Variants in TLN2 observed in about 807,000 individuals in gnomAD.
The protein encoded by TLN2 is talin-2.
TLN2 carries 118 observed loss-of-function variants against 294.7 expected under a neutral mutation model. The ratio of observed to expected loss-of-function variants is 0.40; its 90% CI spans 0.34 to 0.47. The LOEUF is 0.47. Among genes scored for constraint, TLN2 ranks in the 20% least tolerant of loss-of-function variants. The pLI is 0.84. For synonymous variants in TLN2, 1,431 were observed against 1,304.5 expected, an observed-to-expected ratio of 1.10 and a Z score of -2.09; for missense variants, 3,083 against 3,282.2, an observed-to-expected ratio of 0.94 and a Z score of 1.48.
intron 9 of TLN2, among the ~76,000 whole-genome samples, chr15:62,663,280 A>C (rs1279388306): frequency 6.6e-6 from 1 of 152,212 alleles, no homozygotes; most frequent in Non-Finnish European, 1.5e-5. Context: ...TCTTGATGAC[A>C]AAAAGAAAAA....
chr15:62,827,613 G>T (rs2068337859), intron 54 of TLN2: 1 of 152,114 alleles, frequency 6.6e-6, no homozygotes, highest in African/African-American at 2.4e-5. Flanking sequence ...TATGCTGTTT[G>T]GTACCTGACG....
intron 1 of TLN2, among the ~76,000 whole-genome samples, chr15:62,479,511 C>A (rs1595897385): frequency 1.3e-5 from 2 of 152,120 alleles, no homozygotes; most frequent in Admixed American, 1.3e-4. Context: ...GAGTCTTTCT[C>A]TCTCACCCAG....
chr15:62,679,000 T>C (rs1444044914), intron 11 of TLN2, among the ~76,000 whole-genome samples: 2 of 151,582 alleles, frequency 1.3e-5, no homozygotes, highest in African/African-American at 2.4e-5. Flanking sequence ...GTAGCTATGA[T>C]TATTTATCCT....
chr15:62,430,956 A>G (rs553784578), intron 1 of TLN2, among the ~76,000 whole-genome samples: 1 of 151,828 alleles, frequency 6.6e-6, no homozygotes, highest in African/African-American at 2.4e-5. Flanking sequence ...ATACACAAAA[A>G]CACCCAGCTC....
At chr15:62,493,996 A>G (rs930391858) in intron 1 of TLN2, among the ~76,000 whole-genome samples, 2 of 152,088 alleles carry the variant, frequency 1.3e-5, no homozygotes, top group South Asian at 4.2e-4. Context: ...AGATCTGTCA[A>G]AATTATGGAT....
intron 2 of TLN2, among the ~76,000 whole-genome samples, chr15:62,594,993 C>T (rs1422880935): frequency 6.6e-6 from 1 of 152,126 alleles, no homozygotes; most frequent in African/African-American, 2.4e-5. Flanking sequence ...TCTGAATAGA[C>T]ATTTCTCAAA....
chr15:62,438,830 C>T (rs771917009), intron 1 of TLN2, among the ~76,000 whole-genome samples: 3 of 152,158 alleles, frequency 2.0e-5, no homozygotes, highest in Non-Finnish European at 1.5e-5. Context: ...GGGAAGGGTC[C>T]CCTGGCTGAG....
Position 62,770,958 on chromosome 15 carries a change from T to TTTTAAAG in TLN2, c.5197-6_5197-5insTTTAAAG. 2 of 1,566,590 alleles carry TTTTAAAG rather than the reference T, an allele frequency of 1.3e-6. No homozygotes were observed. The highest frequency in any genetic ancestry group is 8.6e-7 in the Non-Finnish European group (1 of 1,163,394). On this transcript the variant is annotated splice_region_variant and splice_polypyrimidine_tract_variant and intron_variant, in intron 41 of 58. Transcript: ENST00000636159. ...CATCTCTGGCTTTTTTTTTTTTTTTTGAAAGGTGACACAACTGGCAAGCTA... is the reference window on the plus strand; with the variant it reads ...CATCTCTGGCTTTTTTTTTTTTTTTTTTTAAAGGAAAGGTGACACAACTGGCAAGCTA...
intron 3 of TLN2, among the ~76,000 whole-genome samples, chr15:62,640,756 T>C (rs1408145026): frequency 2.0e-5 from 3 of 152,176 alleles, no homozygotes; most frequent in Admixed American, 2.0e-4. Context: ...GTTGTGTGAC[T>C]GCGATAAGAA....
At chr15:62,727,563 T>C (rs2060505765) in intron 28 of TLN2, among the ~76,000 whole-genome samples, 1 of 152,200 alleles carries the variant, frequency 6.6e-6, no homozygotes, top group African/African-American at 2.4e-5. Context: ...AGGAGACAGA[T>C]GCGTGCTAAT....
chr15:62,566,005 T>C (rs184101643), intron 1 of TLN2, among the ~76,000 whole-genome samples: 1 of 152,102 alleles, frequency 6.6e-6, no homozygotes, highest in Non-Finnish European at 1.5e-5. Flanking sequence ...CTTAGGGTTA[T>C]TGTGAGGAAA....
chr15:62,660,069 T>C (rs935525167), intron 9 of TLN2, among the ~76,000 whole-genome samples: 1 of 152,150 alleles, frequency 6.6e-6, no homozygotes, highest in East Asian at 1.9e-4. Context: ...TTTAAAATAA[T>C]AATGAGAAGG....
rs749450088 is a variant in TLN2, at chr15:62,819,510, C to A, written c.6772-6C>A. The A allele has an allele frequency of 1.2e-6, 2 of 1,612,930 alleles. No individual in the cohort carries two copies. The highest frequency in any genetic ancestry group is 4.5e-5 in the East Asian group (2 of 44,870). On this transcript the variant is annotated splice_polypyrimidine_tract_variant and splice_region_variant and intron_variant, in intron 52 of 58. Transcript: ENST00000636159. ...CTCATGCCTCTGACTTGTTCTTCAC[C>A]TGTAGATTCTTCAGAAACCAACCCC... is the stretch of plus-strand genomic sequence containing the variant.
intron 1 of TLN2, among the ~76,000 whole-genome samples, chr15:62,525,937 G>A (rs1423516747): frequency 6.6e-6 from 1 of 152,154 alleles, no homozygotes; most frequent in Non-Finnish European, 1.5e-5. Flanking sequence ...AGTGAGAACT[G>A]CTGCAAGGGA....
intron 3 of TLN2, among the ~76,000 whole-genome samples, chr15:62,620,339 T>G (rs1041972873): frequency 6.6e-6 from 1 of 152,088 alleles, no homozygotes; most frequent in Non-Finnish European, 1.5e-5. Flanking sequence ...ATAAGCAAAT[T>G]TACCAGCATC....
At chr15:62,823,334 G>GAAGGC in intron 54 of TLN2, among the ~76,000 whole-genome samples, 1 of 152,070 alleles carries the variant, frequency 6.6e-6, no homozygotes, top group Non-Finnish European at 1.5e-5. Flanking sequence ...CTTTATAAAG[G>GAAGGC]AATTTATTTC....
At chr15:62,579,649 G>A (rs1056670846) in intron 1 of TLN2, among the ~76,000 whole-genome samples, 27 of 152,154 alleles carry the variant, frequency 1.8e-4, no homozygotes, top group African/African-American at 6.3e-4. Flanking sequence ...ATAGGAACGT[G>A]TCCCCTGAAG....
At chr15:62,671,205 C>T (rs188444985) in intron 9 of TLN2, among the ~76,000 whole-genome samples, 3 of 151,964 alleles carry the variant, frequency 2.0e-5, no homozygotes, top group Non-Finnish European at 4.4e-5. Flanking sequence ...CATAATTTGC[C>T]AATATTTTCC....
intron 28 of TLN2, among the ~76,000 whole-genome samples, chr15:62,729,599 T>C (rs113611735): frequency 3.3e-5 from 5 of 152,356 alleles, no homozygotes; most frequent in African/African-American, 1.2e-4. Context: ...TTTCATTCTT[T>C]TACTTTCAAT....
Sources: gnomAD v4.1 joint callset for allele counts (sites outside exome capture counted in the v4.1 genomes callset) on GRCh38, gnomAD v4.1.1 for gene constraint, MANE v1.5 for transcripts, NCBI Gene and HGNC (gene_info 2026-07-23, HGNC 2026-07-21) for gene names.